DLGAP4: variants seen among roughly 807,000 people sequenced by gnomAD.
DLGAP4 encodes the protein disks large-associated protein 4.
A neutral mutation model predicts 86.9 loss-of-function variants in DLGAP4; 18 were observed. That is an observed-to-expected ratio of 0.21 (90% CI 0.14 to 0.31). DLGAP4 has a LOEUF of 0.31. DLGAP4 is among the 10% of genes least tolerant of loss of function. The pLI, the probability that DLGAP4 is intolerant of heterozygous loss-of-function variation, is 1.00. For missense variants in DLGAP4, 1,085 were observed against 1,362.6 expected, an observed-to-expected ratio of 0.80 and a Z score of 3.21; for synonymous variants, 548 against 574.3, an observed-to-expected ratio of 0.95 and a Z score of 0.65.
intron 1 of DLGAP4, among the ~76,000 whole-genome samples, chr20:36,347,547 G>A (rs945465532): frequency 6.6e-6 from 1 of 151,970 alleles, no homozygotes; most frequent in Non-Finnish European, 1.5e-5. Flanking sequence ...GATGGTCAGG[G>A]CATGAATTTT....
chr20:36,373,342 C>T (rs1050527893), intron 2 of DLGAP4, among the ~76,000 whole-genome samples: 2 of 152,220 alleles, frequency 1.3e-5, no homozygotes, highest in Non-Finnish European at 2.9e-5. Flanking sequence ...TCATTAAGCT[C>T]TCATGTACAG....
At chr20:36,508,914 G>GA (rs1176606897) in intron 10 of DLGAP4, 2 of 152,204 alleles carry the variant, frequency 1.3e-5, no homozygotes, top group Non-Finnish European at 2.9e-5. Context: ...CCAAGTGTTT[G>GA]AAAGTTGCCA....
At chr20:36,469,865 C>T (rs1014351504) in intron 7 of DLGAP4, among the ~76,000 whole-genome samples, 4 of 152,010 alleles carry the variant, frequency 2.6e-5, no homozygotes, top group Non-Finnish European at 4.4e-5. Flanking sequence ...CCTGGGGGAA[C>T]GTTGCCCAAG....
chr20:36,343,741 C>T (rs11908285), intron 1 of DLGAP4, among the ~76,000 whole-genome samples: 15 of 152,344 alleles, frequency 9.8e-5, no homozygotes, highest in African/African-American at 3.6e-4. Flanking sequence ...TCTGGGCCTT[C>T]TCCTTGCTGG....
chr20:36,388,611 A>G lies in DLGAP4; in HGVS notation c.-73+21336A>G, dbSNP rs139488478. Among the ~76,000 whole-genome samples the G allele has an allele frequency of 5.1e-3, 779 of 152,342 alleles. 7 individuals are homozygous for G. The highest frequency in any genetic ancestry group is 0.018 in the African/African-American group (743 of 41,576). ...GAACTTGAGTCAGACACATTGAGTTAGAATTCCTGCTCACTTACCTATTAG... is the reference window on the plus strand; with the variant it reads ...GAACTTGAGTCAGACACATTGAGTTGGAATTCCTGCTCACTTACCTATTAG... On this transcript the variant is annotated intron_variant, in intron 2 of 12. Transcript: ENST00000339266.
chr20:36,460,641 G>C (rs1173608790), intron 7 of DLGAP4, among the ~76,000 whole-genome samples: 2 of 152,218 alleles, frequency 1.3e-5, no homozygotes, highest in East Asian at 3.8e-4. Context: ...CACAGGTGCG[G>C]CCTGGAGAGA....
chr20:36,320,115 T>TAGGCCCCCCCTCTGTGTCTTCCTCTCCC (rs2065152170), intron 1 of DLGAP4, among the ~76,000 whole-genome samples: 1 of 90,548 alleles, frequency 1.1e-5, no homozygotes, highest in African/African-American at 6.0e-5. Flanking sequence ...CGCATTCCCC[T>TAGGCCCCCCCTCTGTGTCTTCCTCTCCC]AGGCCCCCCT....
chr20:36,363,652 A>C (rs1435877057), intron 1 of DLGAP4, among the ~76,000 whole-genome samples: 1 of 152,152 alleles, frequency 6.6e-6, no homozygotes, highest in Non-Finnish European at 1.5e-5. Flanking sequence ...AGAACTTTCC[A>C]TGTCCATTTC....
intron 2 of DLGAP4, among the ~76,000 whole-genome samples, chr20:36,420,649 G>T (rs2032796642): frequency 6.6e-6 from 1 of 152,008 alleles, no homozygotes; most frequent in Admixed American, 6.6e-5. Context: ...ACTGGCCTGG[G>T]CAACATGGGG....
chr20:36,462,498 T>TGCTCCTTGTCTCC, intron 7 of DLGAP4: 1 of 1,597,978 alleles, frequency 6.3e-7, no homozygotes, highest in Non-Finnish European at 8.5e-7. Flanking sequence ...CCCTTCTCTC[T>TGCTCCTTGTCTCC]GCTCCTTGTC....
chr20:36,527,287 CCGTGGTG>C lies in DLGAP4; in HGVS notation c.*257_*263del. 5.5e-6 allele frequency: 2 copies of C among 364,846 alleles called. No individual in the cohort carries two copies. Among genetic ancestry groups the C allele is most frequent in the Admixed American group, 4.3e-5 (1 of 23,192 alleles). The allele number at this position is 364,846 out of a possible 1,614,324, so 22.6% of individuals were successfully genotyped here. A position where few individuals can be genotyped will look rare whatever the true frequency, so the allele number is the denominator to read the frequency against. On this transcript the variant is annotated 3_prime_UTR_variant, in exon 13 of 13. Coordinates refer to ENST00000339266, the MANE Select transcript of DLGAP4 (RefSeq NM_001365621.2). ...AAAACTTTTTTTTTCCTCTTGCTGG[CCGTGGTG>C]GACTAGATAGATGGACGTCGGCAAC...
In DLGAP4 at chr20:36,317,269, TTCTTTCTTATCTTTCTTTCTTTCTTA is replaced by T. The variant is rs1383379060; in HGVS notation, c.-304+10766_-304+10791del. On this transcript the variant is annotated intron_variant, in intron 1 of 12. Transcript: ENST00000339266. Reference sequence around the variant, plus strand: ...TTTCTTTCTTTCTTTCTTTCTTTCTTTCTTTCTTATCTTTCTTTCTTTCTTATCTTTCTTTCTTCCTTCCTTCCTTC... The same window carrying T: ...TTTCTTTCTTTCTTTCTTTCTTTCTTTCTTTCTTTCTTCCTTCCTTCCTTC... Among the ~76,000 whole-genome samples the T allele has an allele frequency of 3.7e-3, 115 of 30,994 alleles. 1 individual carries two copies. The highest frequency in any genetic ancestry group is 0.023 in the African/African-American group (103 of 4,530). 20.3% of individuals were successfully genotyped at this position (30,994 alleles called of 152,430 possible).
chr20:36,469,200 C>G (rs1182027990), intron 7 of DLGAP4, among the ~76,000 whole-genome samples: 2 of 152,072 alleles, frequency 1.3e-5, no homozygotes, highest in African/African-American at 4.8e-5. Flanking sequence ...AGTGAGCTGG[C>G]CCTGGGGAAA....
intron 1 of DLGAP4, among the ~76,000 whole-genome samples, chr20:36,333,519 T>C (rs1696358602): frequency 6.6e-6 from 1 of 152,196 alleles, no homozygotes; most frequent in African/African-American, 2.4e-5. Flanking sequence ...TGGTCATGGC[T>C]GTGCTATGCT....
intron 10 of DLGAP4, chr20:36,507,753 A>C (rs919339041): frequency 2.6e-5 from 4 of 152,268 alleles, no homozygotes; most frequent in African/African-American, 9.6e-5. Context: ...GTATGTCAGC[A>C]GTTCAGAAAG....
intron 10 of DLGAP4, among the ~76,000 whole-genome samples, chr20:36,516,521 C>T (rs913062201): frequency 6.6e-6 from 1 of 151,716 alleles, no homozygotes; most frequent in East Asian, 1.9e-4. Context: ...AAAAAGTTAG[C>T]GGGGCGTGGT....
rs981835170 is a variant in DLGAP4, at chr20:36,308,200, C to A, written c.-304+1688C>A. Reference sequence around the variant, plus strand: ...CTGTGTCCTCCAGGAGCTGGGACAGCGCAACTCAACTTCTGGGAGTGTGCC... The same window carrying A: ...CTGTGTCCTCCAGGAGCTGGGACAGAGCAACTCAACTTCTGGGAGTGTGCC... On this transcript the variant is annotated intron_variant, in intron 1 of 12. Transcript: ENST00000339266. The surrounding 1 kb of genome is among the most constrained non-coding windows in gnomAD (Gnocchi z 4.5). Among the ~76,000 whole-genome samples the A allele has an allele frequency of 6.6e-6, 1 of 152,182 alleles. No homozygotes were observed. Among genetic ancestry groups the A allele is most frequent in the African/African-American group, 2.4e-5 (1 of 41,454 alleles).
Position 36,527,052 on chromosome 20 carries a change from A to T in DLGAP4, c.*21A>T. The T allele has an allele frequency of 1.3e-6, 2 of 1,565,926 alleles. No homozygotes were observed. Among genetic ancestry groups the T allele is most frequent in the Non-Finnish European group, 1.7e-6 (2 of 1,156,428 alleles). On this transcript the variant is annotated 3_prime_UTR_variant, in exon 13 of 13. Coordinates refer to ENST00000339266, the MANE Select transcript of DLGAP4 (RefSeq NM_001365621.2). Reference sequence around the variant, plus strand: ...TCTGAGACCATGCAGGAGGAAAGAAACGATTTTAAATCATTAAAAACACAA... The same window carrying T: ...TCTGAGACCATGCAGGAGGAAAGAATCGATTTTAAATCATTAAAAACACAA...
rs2037895984 is a variant in DLGAP4, at chr20:36,528,320, C to CGGGGTAGGGG, written c.*1290_*1299dup. 1 of 152,720 alleles carries CGGGGTAGGGG rather than the reference C, an allele frequency of 6.5e-6. No homozygotes were observed. Among genetic ancestry groups the CGGGGTAGGGG allele is most frequent in the Non-Finnish European group, 1.5e-5 (1 of 68,166 alleles). 9.5% of individuals were successfully genotyped at this position (152,720 alleles called of 1,614,324 possible). ...GCTGCAATGGCCCGGGCCTGCAGGG[C>CGGGGTAGGGG]GGGGTAGGGGAGGGCAGGGGCTGAG... is the stretch of plus-strand genomic sequence containing the variant. On this transcript the variant is annotated 3_prime_UTR_variant, in exon 13 of 13. Transcript: ENST00000339266.
Sources: allele counts gnomAD v4.1 joint callset (sites outside exome capture counted in the v4.1 genomes callset), GRCh38; gene constraint gnomAD v4.1.1; non-coding constraint Gnocchi (gnomAD v3.1); transcripts MANE v1.5; gene names NCBI Gene and HGNC (gene_info 2026-07-23, HGNC 2026-07-21).